GALNTL6: variants seen among roughly 807,000 people sequenced by gnomAD.
GALNTL6 encodes polypeptide N-acetylgalactosaminyltransferase like 6.
GALNTL6 carries 46 observed loss-of-function variants against 73.7 expected under a neutral mutation model. That is an observed-to-expected ratio of 0.62 (90% CI 0.49 to 0.80). The LOEUF (loss-of-function observed/expected upper bound fraction) is 0.80, where lower values mean the gene tolerates loss of function less well. Among genes scored for constraint, GALNTL6 ranks in the 30% least tolerant of loss-of-function variants. The pLI is 0.00. For missense variants in GALNTL6, 604 were observed against 755.0 expected, an observed-to-expected ratio of 0.80 and a Z score of 2.34; for synonymous variants, 259 against 263.7, an observed-to-expected ratio of 0.98 and a Z score of 0.17.
At chr4:171,995,779 A>T (rs1394851) in intron 2 of GALNTL6, among the ~76,000 whole-genome samples, 148,964 of 152,034 alleles carry the variant, frequency 0.98, 73,049 homozygotes, top group Middle Eastern at 1. Flanking sequence ...TAGAAGCTAA[A>T]TGATTCATTT....
chr4:172,451,892 T>A (rs1732226222), intron 5 of GALNTL6, among the ~76,000 whole-genome samples: 1 of 152,032 alleles, frequency 6.6e-6, no homozygotes, highest in African/African-American at 2.4e-5. Flanking sequence ...GCACCTGTAG[T>A]CCTAGCTGCT....
intron 5 of GALNTL6, among the ~76,000 whole-genome samples, chr4:172,458,418 C>G (rs1290201374): frequency 2.0e-5 from 3 of 151,590 alleles, no homozygotes; most frequent in African/African-American, 7.3e-5. Flanking sequence ...TGCAAAAACT[C>G]AGTGAATTCA....
At chr4:172,517,009 T>C (rs1019178596) in intron 5 of GALNTL6, among the ~76,000 whole-genome samples, 2 of 152,032 alleles carry the variant, frequency 1.3e-5, no homozygotes, top group Admixed American at 6.6e-5. Flanking sequence ...GGGAGAATGG[T>C]GGGTGTCAGG....
At chr4:172,794,274 G>A (rs1021604931) in intron 5 of GALNTL6, among the ~76,000 whole-genome samples, 3 of 152,138 alleles carry the variant, frequency 2.0e-5, no homozygotes, top group Admixed American at 6.5e-5. Flanking sequence ...CAGTGAAAGG[G>A]AACCATTACT....
At chr4:172,482,302 G>A (rs186628063) in intron 5 of GALNTL6, among the ~76,000 whole-genome samples, 3 of 152,352 alleles carry the variant, frequency 2.0e-5, no homozygotes, top group East Asian at 3.9e-4. Context: ...GCCTCCGACA[G>A]CCCAGAGAGG....
chr4:172,803,557 C>A (rs995014359), intron 5 of GALNTL6, among the ~76,000 whole-genome samples: 4 of 152,120 alleles, frequency 2.6e-5, no homozygotes, highest in Non-Finnish European at 5.9e-5. Context: ...ATGCATTTGA[C>A]AAGAATACTT....
chr4:172,278,355 C>A lies in GALNTL6; in HGVS notation c.248-33259C>A, dbSNP rs1367790240. 2.6e-5 allele frequency among the ~76,000 whole-genome samples: 4 copies of A among 152,164 alleles called. No homozygotes were observed. The East Asian group carries it at 7.7e-4, about 29-fold the overall frequency. On this transcript the variant is annotated intron_variant, in intron 3 of 12. Coordinates refer to ENST00000506823, the MANE Select transcript of GALNTL6 (RefSeq NM_001034845.3). ...ATCTCTGGCTAAGTCTTCACATATT[C>A]ATTCCAATAACTATAAATTGCCCAT...
intron 4 of GALNTL6, among the ~76,000 whole-genome samples, chr4:172,334,833 C>T (rs1357635683): frequency 6.6e-6 from 1 of 152,026 alleles, no homozygotes; most frequent in Non-Finnish European, 1.5e-5. Context: ...TAGCTTTTGC[C>T]CATTCAGTAG....
chr4:172,078,327 T>C (rs1731772751), intron 2 of GALNTL6, among the ~76,000 whole-genome samples: 1 of 152,200 alleles, frequency 6.6e-6, no homozygotes, highest in South Asian at 2.1e-4. Flanking sequence ...TGTCACCATG[T>C]GTGGAAGGTG....
At chr4:172,130,701 A>G (rs766410692) in intron 2 of GALNTL6, among the ~76,000 whole-genome samples, 13 of 152,158 alleles carry the variant, frequency 8.5e-5, no homozygotes, top group Non-Finnish European at 1.5e-4. Flanking sequence ...AATAAATTTA[A>G]TCACATGATT....
chr4:172,966,311 G>C (rs76993400), intron 10 of GALNTL6, among the ~76,000 whole-genome samples: 19,069 of 152,086 alleles, frequency 0.13, 1,261 homozygotes, highest in Non-Finnish European at 0.15. Flanking sequence ...TCCACAAGCT[G>C]GTGGACAAGA....
At position 172,551,408 on chromosome 4, in the gene GALNTL6, C is replaced by T. The variant is rs568250633; in HGVS notation, c.553+202719C>T. Among the ~76,000 whole-genome samples the T allele has an allele frequency of 2.6e-5, 4 of 151,896 alleles. No individual in the cohort carries two copies. In the South Asian group the frequency reaches 6.2e-4, roughly 24 times the overall value. On this transcript the variant is annotated intron_variant, in intron 5 of 12. Coordinates refer to ENST00000506823, the MANE Select transcript of GALNTL6 (RefSeq NM_001034845.3). ...AATATATTTGTATTGTTCTTTTAAA[C>T]GTCTTCAGAAAATTCACATATTGAC...
chr4:172,639,849 C>T (rs139701560), intron 5 of GALNTL6, among the ~76,000 whole-genome samples: 1,571 of 152,150 alleles, frequency 0.01, 14 homozygotes, highest in Non-Finnish European at 0.017. Flanking sequence ...AAAGCTTATC[C>T]TTTTTCATCT....
intron 5 of GALNTL6, among the ~76,000 whole-genome samples, chr4:172,563,491 C>T (rs974405452): frequency 6.6e-6 from 1 of 152,202 alleles, no homozygotes; most frequent in Admixed American, 6.5e-5. Flanking sequence ...AAATATCCCT[C>T]AGGATATTCT....
At chr4:173,018,395 TA>T (rs1561089483) in intron 11 of GALNTL6, among the ~76,000 whole-genome samples, 1 of 152,180 alleles carries the variant, frequency 6.6e-6, no homozygotes, top group Non-Finnish European at 1.5e-5. Context: ...TAATAACAGA[TA>T]ATTGTGGGTT....
chr4:172,424,942 G>C (rs1731177246), intron 5 of GALNTL6, among the ~76,000 whole-genome samples: 1 of 151,942 alleles, frequency 6.6e-6, no homozygotes, highest in South Asian at 2.1e-4. Flanking sequence ...CAGATGTAGG[G>C]AATTCTAGTT....
chr4:171,986,070 A>G (rs941172899), intron 2 of GALNTL6, among the ~76,000 whole-genome samples: 9 of 146,776 alleles, frequency 6.1e-5, no homozygotes, highest in African/African-American at 1.7e-4. Flanking sequence ...CTTCTGTCCA[A>G]TTGGAAAATT....
chr4:172,824,276 T>A (rs1454736300), intron 7 of GALNTL6, among the ~76,000 whole-genome samples: 2 of 151,976 alleles, frequency 1.3e-5, no homozygotes, highest in East Asian at 3.9e-4. Flanking sequence ...TACTCTCTAG[T>A]CCTGAATTAC....
intron 5 of GALNTL6, among the ~76,000 whole-genome samples, chr4:172,390,579 C>G (rs145769730): frequency 2.0e-5 from 3 of 152,306 alleles, no homozygotes; most frequent in East Asian, 3.9e-4. Context: ...CCAATAGCCA[C>G]TTAGTAGTCA....
Sources: allele counts gnomAD v4.1 joint callset (sites outside exome capture counted in the v4.1 genomes callset), GRCh38; gene constraint gnomAD v4.1.1; transcripts MANE v1.5; gene names NCBI Gene and HGNC (gene_info 2026-07-23, HGNC 2026-07-21).